Variants in GRIA3 observed in about 807,000 individuals in gnomAD.
GRIA3 encodes glutamate receptor 3.
Under a neutral mutation model 63.0 loss-of-function variants are expected in GRIA3, and 3 were observed. That is an observed-to-expected ratio of 0.05 (90% CI 0.02 to 0.12). The LOEUF is 0.12. GRIA3 is among the 10% of genes least tolerant of loss of function. The probability of loss-of-function intolerance (pLI) is 1.00; values close to 1 mark genes in which losing one functional copy is unlikely to be tolerated. For synonymous variants in GRIA3, 274 were observed against 257.9 expected, an observed-to-expected ratio of 1.06 and a Z score of -0.60; for missense variants, 347 against 700.9, an observed-to-expected ratio of 0.50 and a Z score of 5.70.
chrX:123,184,639 G>A lies in GRIA3; in HGVS notation c.104G>A (p.Ser35Asn), dbSNP rs758469536. Residue 35 changes from serine (S) to asparagine (N), a missense_variant, in exon 1 of 16, where the codon AGC becomes AAC. By Grantham distance (46) the Ser-to-Asn change is conservative. Coordinates refer to ENST00000620443, the MANE Select transcript of GRIA3 (RefSeq NM_007325.5). The part of the protein sequence containing the change: ...HSHGGFPNTI[S>N]IGGLFMRNTV... ...CACGGAGGATTCCCCAACACCATCA[G>A]CATAGGTAAGCGCAAGCGAGCCAGC... 10 of 1,175,519 alleles carry A rather than the reference G, an allele frequency of 8.5e-6. No homozygotes were observed. The South Asian group carries it at 1.8e-4, about 21-fold the overall frequency.
In GRIA3 at chrX:123,231,143, A is replaced by T. The variant is rs758063723; in HGVS notation, c.269-22160A>T. ...CCTGTTTTTACTGTGACTATTCAAA[A>T]CATTAGCACCCTGGAGATCTCTGGA... On this transcript the variant is annotated intron_variant, in intron 2 of 15. Coordinates refer to ENST00000620443, the MANE Select transcript of GRIA3 (RefSeq NM_007325.5). Among the ~76,000 whole-genome samples, 5 of 112,078 alleles carry T rather than the reference A, an allele frequency of 4.5e-5. No homozygotes were observed. In the East Asian group the frequency reaches 1.1e-3, roughly 25 times the overall value.
At chrX:123,389,657 C>G (rs1162673136) in intron 5 of GRIA3, among the ~76,000 whole-genome samples, 1 of 110,628 alleles carries the variant, frequency 9.0e-6, no homozygotes, top group Admixed American at 9.7e-5. Flanking sequence ...TTTTTTAAAT[C>G]CATTCAGCCA....
At chrX:123,315,384 C>G (rs982635242) in intron 3 of GRIA3, among the ~76,000 whole-genome samples, 5 of 112,110 alleles carry the variant, frequency 4.5e-5, no homozygotes, top group Non-Finnish European at 9.4e-5. Context: ...ACACACAGAA[C>G]AGTTTCTGTA....
chrX:123,319,662 T>C (rs1409220572), intron 3 of GRIA3, among the ~76,000 whole-genome samples: 1 of 111,445 alleles, frequency 9.0e-6, no homozygotes, highest in Non-Finnish European at 1.9e-5. Context: ...AGATTCTTCA[T>C]CTACCACAGG....
chrX:123,264,289 T>C (rs188298974), intron 3 of GRIA3, among the ~76,000 whole-genome samples: 19 of 112,142 alleles, frequency 1.7e-4, no homozygotes, highest in African/African-American at 6.1e-4. Flanking sequence ...CTGTCAAAGA[T>C]AAACAAAGCT....
chrX:123,244,280 C>A (rs185468764), intron 2 of GRIA3, among the ~76,000 whole-genome samples: 1 of 111,616 alleles, frequency 9.0e-6, no homozygotes, highest in Non-Finnish European at 1.9e-5. Flanking sequence ...CTGTGGTTAC[C>A]AGGACACAAG....
At chrX:123,313,064 G>A (rs1183442773) in intron 3 of GRIA3, among the ~76,000 whole-genome samples, 1 of 90,463 alleles carries the variant, frequency 1.1e-5, no homozygotes, top group Non-Finnish European at 2.3e-5. Flanking sequence ...ACTCTTTCTG[G>A]AACCCAAGGC....
intron 12 of GRIA3, among the ~76,000 whole-genome samples, chrX:123,440,101 C>G (rs2045665642): frequency 8.9e-6 from 1 of 112,257 alleles, no homozygotes; most frequent in South Asian, 3.7e-4. Context: ...CCAGCTCCAT[C>G]CATGTTCCCA....
intron 2 of GRIA3, among the ~76,000 whole-genome samples, chrX:123,188,281 GCTGTCT>G (rs1368317692): frequency 2.7e-5 from 3 of 110,964 alleles, no homozygotes; most frequent in Non-Finnish European, 5.7e-5. Context: ...AGATCTCAAA[GCTGTCT>G]CTAGGCAGCT....
At chrX:123,488,671 T>C (rs1187122685) in intron 15 of GRIA3, 42 bp from the exon 16 acceptor site, 1 of 111,867 alleles carries the variant, frequency 8.9e-6, no homozygotes, top group African/African-American at 3.3e-5. Context: ...CAATTCCTAA[T>C]AGGAAGCCCC....
At chrX:123,258,272 T>C (rs1228200376) in intron 3 of GRIA3, among the ~76,000 whole-genome samples, 1 of 112,750 alleles carries the variant, frequency 8.9e-6, no homozygotes, top group Non-Finnish European at 1.9e-5. Context: ...CTGACCAATT[T>C]ATTCATGCTA....
intron 5 of GRIA3, among the ~76,000 whole-genome samples, chrX:123,391,409 TGTAAACAGCATCA>T (rs1318290439): frequency 5.4e-5 from 6 of 112,057 alleles, no homozygotes; most frequent in Non-Finnish European, 3.8e-5. Flanking sequence ...TTTATCTGGC[TGTAAACAGCATCA>T]GTAGTATTTG....
chrX:123,409,017 GA>G (rs2147387866), intron 10 of GRIA3, among the ~76,000 whole-genome samples: 1 of 111,990 alleles, frequency 8.9e-6, no homozygotes, highest in East Asian at 2.8e-4. Context: ...CAGAAATGGA[GA>G]AAAATGAAAA....
At chrX:123,474,615 G>A (rs376786158) in intron 13 of GRIA3, among the ~76,000 whole-genome samples, 22 of 111,029 alleles carry the variant, frequency 2.0e-4, no homozygotes, top group African/African-American at 6.6e-4. Context: ...CCCGGGAGGC[G>A]GAGGTTGCAG....
At chrX:123,201,697 CA>C (rs373746999) in intron 2 of GRIA3, among the ~76,000 whole-genome samples, 25,959 of 98,444 alleles carry the variant, frequency 0.26, 2,823 homozygotes, top group Non-Finnish European at 0.35. Flanking sequence ...TGACCTTCAT[CA>C]AAAAAAAAAA....
chrX:123,280,092 A>G (rs2044576751), intron 3 of GRIA3, among the ~76,000 whole-genome samples: 1 of 111,732 alleles, frequency 8.9e-6, no homozygotes, highest in African/African-American at 3.3e-5. Context: ...CCATCTTGCA[A>G]CCAGAGAAAA....
chrX:123,184,356 A>T lies in GRIA3; in HGVS notation c.-180A>T. 1 of 479,821 alleles carries T rather than the reference A, an allele frequency of 2.1e-6. No individual in the cohort carries two copies. Among genetic ancestry groups the T allele is most frequent in the Non-Finnish European group, 3.7e-6 (1 of 268,939 alleles). 39.5% of individuals were successfully genotyped at this position (479,821 alleles called of 1,213,427 possible). A position where few individuals can be genotyped will look rare whatever the true frequency, so the allele number is the denominator to read the frequency against. ...AGAGGGAGAGAGAAGAAGAGGAAGA[A>T]GAGGAGGCGGCGGCAGCGGAGGAGG... On this transcript the variant is annotated 5_prime_UTR_variant, in exon 1 of 16. It adds an upstream start codon to the 5' untranslated region. Coordinates refer to ENST00000620443, the MANE Select transcript of GRIA3 (RefSeq NM_007325.5).
intron 3 of GRIA3, among the ~76,000 whole-genome samples, chrX:123,259,975 C>T (rs1361526828): frequency 9.0e-6 from 1 of 111,486 alleles, no homozygotes; most frequent in Non-Finnish European, 1.9e-5. Flanking sequence ...CTTCTTAAGG[C>T]ATGGTATCCA....
chrX:123,230,535 T>C (rs1164595189), intron 2 of GRIA3, among the ~76,000 whole-genome samples: 1 of 111,452 alleles, frequency 9.0e-6, no homozygotes, highest in Non-Finnish European at 1.9e-5. Flanking sequence ...TATGGGCATA[T>C]AGGAGCATTT....
Sources: gnomAD v4.1 joint callset for allele counts (sites outside exome capture counted in the v4.1 genomes callset) on GRCh38, gnomAD v4.1.1 for gene constraint, MANE v1.5 for transcripts, NCBI Gene and HGNC (gene_info 2026-07-23, HGNC 2026-07-21) for gene names.